Variants in NSMCE2 observed in about 807,000 individuals in gnomAD.
The protein encoded by NSMCE2 is NSE2 SUMO ligase component of SMC5/6 complex.
NSMCE2 carries 24 observed loss-of-function variants against 23.8 expected under a neutral mutation model. The observed-to-expected ratio is 1.01, with a 90% CI of 0.73 to 1.42. The LOEUF (loss-of-function observed/expected upper bound fraction) is 1.42. Among genes scored for constraint, NSMCE2 ranks in the 40% most tolerant of loss-of-function variants. The pLI, the probability that NSMCE2 is intolerant of heterozygous loss-of-function variation, is 0.00. For missense variants in NSMCE2, 284 were observed against 296.5 expected, an observed-to-expected ratio of 0.96 and a Z score of 0.31; for synonymous variants, 92 against 94.1, an observed-to-expected ratio of 0.98 and a Z score of 0.13.
At chr8:125,231,910 G>T (rs1047123345) in intron 5 of NSMCE2, among the ~76,000 whole-genome samples, 8 of 152,044 alleles carry the variant, frequency 5.3e-5, no homozygotes, top group Non-Finnish European at 1.0e-4. Flanking sequence ...CTGGTACATG[G>T]TAGTATTCAG....
chr8:125,198,808 G>C (rs1026395474), intron 5 of NSMCE2, among the ~76,000 whole-genome samples: 2 of 152,232 alleles, frequency 1.3e-5, no homozygotes, highest in African/African-American at 2.4e-5. Flanking sequence ...CTGTGAATCT[G>C]TCTGGTCCTG....
intron 3 of NSMCE2, among the ~76,000 whole-genome samples, chr8:125,122,171 CCAAAAA>C (rs1819297341): frequency 3.5e-5 from 3 of 86,416 alleles, no homozygotes; most frequent in Non-Finnish European, 7.1e-5. Flanking sequence ...TCTGGCTGAG[CCAAAAA>C]AAAAAAAAAA....
At chr8:125,130,143 A>G (rs1586479359) in intron 3 of NSMCE2, 1 of 421,052 alleles carries the variant, frequency 2.4e-6, no homozygotes, top group Non-Finnish European at 4.8e-6. Context: ...AATCCTGCTT[A>G]GGTGTTTTGT....
intron 5 of NSMCE2, among the ~76,000 whole-genome samples, chr8:125,314,612 C>G (rs556558154): frequency 6.6e-6 from 1 of 152,170 alleles, no homozygotes. Context: ...TTTAGACACT[C>G]GATCACTCCC....
chr8:125,124,839 G>T (rs1431112820), intron 3 of NSMCE2, among the ~76,000 whole-genome samples: 1 of 152,000 alleles, frequency 6.6e-6, no homozygotes, highest in Admixed American at 6.6e-5. Context: ...CTTTTGCCCA[G>T]CCTGGGGTGC....
chr8:125,313,828 T>G lies in NSMCE2; in HGVS notation c.419-43391T>G, dbSNP rs117240888. 1.5e-3 allele frequency among the ~76,000 whole-genome samples: 226 copies of G among 152,254 alleles called. 1 individual carries two copies. The highest frequency in any genetic ancestry group is 2.0e-3 in the Non-Finnish European group (134 of 68,004). ...TCTCAACAGACTTTGCAGAACAAAA[T>G]GAAAAATCAAAGGGACCCAAAATGA... On this transcript the variant is annotated intron_variant, in intron 5 of 7. Coordinates refer to ENST00000287437, the MANE Select transcript of NSMCE2 (RefSeq NM_173685.4).
At chr8:125,284,665 T>C (rs1031859124) in intron 5 of NSMCE2, among the ~76,000 whole-genome samples, 2 of 152,226 alleles carry the variant, frequency 1.3e-5, no homozygotes, top group African/African-American at 4.8e-5. Flanking sequence ...CTTACAGCAT[T>C]TCTGCACCAT....
intron 5 of NSMCE2, among the ~76,000 whole-genome samples, chr8:125,200,898 CT>C (rs1823841688): frequency 6.6e-6 from 1 of 152,220 alleles, no homozygotes; most frequent in Non-Finnish European, 1.5e-5. Flanking sequence ...AACTTTTCTT[CT>C]TGCTTTATTT....
intron 5 of NSMCE2, among the ~76,000 whole-genome samples, chr8:125,257,573 G>T (rs532958445): frequency 1.7e-5 from 2 of 119,960 alleles, no homozygotes; most frequent in African/African-American, 6.5e-5. Context: ...TCGCTCTGTC[G>T]CCCAGGCTGG....
In NSMCE2 at chr8:125,267,003, C is replaced by CTTTT. The variant is rs35990794; in HGVS notation, c.418+84763_418+84766dup. Among the ~76,000 whole-genome samples, 109 of 111,966 alleles carry CTTTT rather than the reference C, an allele frequency of 9.7e-4. 1 individual carries two copies. Among genetic ancestry groups the CTTTT allele is most frequent in the South Asian group, 2.1e-3 (7 of 3,368 alleles). 73.5% of individuals were successfully genotyped at this position (111,966 alleles called of 152,430 possible). A position where few individuals can be genotyped will look rare whatever the true frequency, so the allele number is the denominator to read the frequency against. ...AAAGCATAACTTTTCTTTTTTCTTTCTTTTTTTTTTTTTTTTTTTGAGACA... is the reference window on the plus strand; with the variant it reads ...AAAGCATAACTTTTCTTTTTTCTTTCTTTTTTTTTTTTTTTTTTTTTTTGAGACA... On this transcript the variant is annotated intron_variant, in intron 5 of 7. Coordinates refer to ENST00000287437, the MANE Select transcript of NSMCE2 (RefSeq NM_173685.4).
At chr8:125,200,761 A>G (rs183727096) in intron 5 of NSMCE2, among the ~76,000 whole-genome samples, 43 of 152,304 alleles carry the variant, frequency 2.8e-4, no homozygotes, top group African/African-American at 9.9e-4. Flanking sequence ...AATATCCTGA[A>G]GAGTTTTTTC....
intron 5 of NSMCE2, among the ~76,000 whole-genome samples, chr8:125,224,743 G>A (rs1825021143): frequency 1.3e-5 from 2 of 152,166 alleles, no homozygotes; most frequent in African/African-American, 4.8e-5. Flanking sequence ...GTGCAATAAG[G>A]TAGGTAGATA....
At chr8:125,116,610 G>T (rs1819016853) in intron 3 of NSMCE2, among the ~76,000 whole-genome samples, 1 of 152,048 alleles carries the variant, frequency 6.6e-6, no homozygotes, top group Non-Finnish European at 1.5e-5. Flanking sequence ...GGGAGTGTCT[G>T]TGTTTTGAAA....
chr8:125,274,415 A>T (rs1827355581), intron 5 of NSMCE2, among the ~76,000 whole-genome samples: 1 of 152,134 alleles, frequency 6.6e-6, no homozygotes, highest in Non-Finnish European at 1.5e-5. Context: ...TTTTTAAAAT[A>T]ATACTAGCTT....
intron 5 of NSMCE2, among the ~76,000 whole-genome samples, chr8:125,341,961 A>G (rs1158094475): frequency 6.6e-6 from 1 of 151,840 alleles, no homozygotes; most frequent in African/African-American, 2.4e-5. Context: ...TAGTGGGGGA[A>G]ACAGCCACAC....
At chr8:125,272,257 G>A (rs1168979963) in intron 5 of NSMCE2, among the ~76,000 whole-genome samples, 20 of 151,406 alleles carry the variant, frequency 1.3e-4, no homozygotes, top group East Asian at 7.7e-4. Flanking sequence ...CTCATGATCC[G>A]CCCGCCTCAG....
intron 4 of NSMCE2, among the ~76,000 whole-genome samples, chr8:125,165,536 C>T (rs572843246): frequency 1.9e-4 from 29 of 152,254 alleles, no homozygotes; most frequent in African/African-American, 6.5e-4. Flanking sequence ...ATGATATTAT[C>T]TTACAGTGCA....
chr8:125,182,626 C>T (rs1455025176), intron 5 of NSMCE2: 1 of 301,588 alleles, frequency 3.3e-6, no homozygotes, highest in Admixed American at 5.1e-5. Flanking sequence ...AATAACCATA[C>T]TTTGATTCTG....
At position 125,366,876 on chromosome 8, in the gene NSMCE2, T is replaced by C. The variant is rs536739916; in HGVS notation, c.735T>C (p.His245=). Residue 245 remains histidine, a synonymous_variant, in exon 8 of 8, where the codon CAT becomes CAC. Transcript: ENST00000287437. ...IENHNKKRHR[H]SE Reference sequence around the variant, plus strand: ...ACCATAACAAGAAAAGACATCGTCATTCCGAGTAGGAAAAGCCACCTGCCT... The same window carrying C: ...ACCATAACAAGAAAAGACATCGTCACTCCGAGTAGGAAAAGCCACCTGCCT... 155 of 1,600,350 alleles carry C rather than the reference T, an allele frequency of 9.7e-5. No individual in the cohort carries two copies. The South Asian group carries it at 1.5e-3, about 15-fold the overall frequency.
Sources: allele counts gnomAD v4.1 joint callset (sites outside exome capture counted in the v4.1 genomes callset), GRCh38; gene constraint gnomAD v4.1.1; transcripts MANE v1.5; gene names NCBI Gene and HGNC (gene_info 2026-07-23, HGNC 2026-07-21).